Variants in SPATA13 observed in about 807,000 individuals in gnomAD.
SPATA13 encodes spermatogenesis-associated protein 13.
SPATA13 carries 50 observed loss-of-function variants against 104.0 expected under a neutral mutation model. The observed-to-expected ratio is 0.48, with a 90% CI of 0.38 to 0.61. The LOEUF (loss-of-function observed/expected upper bound fraction) is 0.61, where lower values mean the gene tolerates loss of function less well. Ranked by LOEUF, SPATA13 falls within the 20% of genes least tolerant of loss-of-function variation. The pLI, the probability that SPATA13 is intolerant of heterozygous loss-of-function variation, is 0.00. For synonymous variants in SPATA13, 606 were observed against 667.5 expected, an observed-to-expected ratio of 0.91 and a Z score of 1.42; for missense variants, 1,524 against 1,690.6, an observed-to-expected ratio of 0.90 and a Z score of 1.73.
intron 2 of SPATA13, among the ~76,000 whole-genome samples, chr13:24,232,996 G>A (rs1321415758): frequency 6.6e-6 from 1 of 152,102 alleles, no homozygotes; most frequent in Non-Finnish European, 1.5e-5. Flanking sequence ...TATCATTTTA[G>A]CTCTTACATT....
intron 3 of SPATA13, among the ~76,000 whole-genome samples, chr13:24,073,321 A>T (rs1011171390): frequency 6.6e-6 from 1 of 152,246 alleles, no homozygotes; most frequent in African/African-American, 2.4e-5. Context: ...CTCTTCATCA[A>T]CTAGGGCCCA....
chr13:24,266,539 C>T (rs923336948), intron 4 of SPATA13, among the ~76,000 whole-genome samples: 4 of 152,196 alleles, frequency 2.6e-5, no homozygotes, highest in Non-Finnish European at 5.9e-5. Flanking sequence ...CCCACCTTGG[C>T]CTCCCAAAGT....
intron 2 of SPATA13, among the ~76,000 whole-genome samples, chr13:23,990,998 C>A (rs1875385647): frequency 6.6e-6 from 1 of 152,118 alleles, no homozygotes; most frequent in Non-Finnish European, 1.5e-5. Context: ...GTACCCCTGG[C>A]CTTGTGAGAA....
chr13:24,146,644 TTA>T (rs1381203526), intron 3 of SPATA13, among the ~76,000 whole-genome samples: 3 of 13,814 alleles, frequency 2.2e-4, no homozygotes, highest in African/African-American at 6.5e-4. Flanking sequence ...GCACAGCAAT[TTA>T]AAAAAAATGC....
chr13:24,277,798 T>G (rs1010154137), intron 4 of SPATA13, among the ~76,000 whole-genome samples: 1 of 152,118 alleles, frequency 6.6e-6, no homozygotes, highest in Non-Finnish European at 1.5e-5. Flanking sequence ...TCCTTTAAGA[T>G]GGTAAGCGAC....
intron 1 of SPATA13, among the ~76,000 whole-genome samples, chr13:24,189,995 C>T (rs1451334827): frequency 1.3e-3 from 9 of 6,788 alleles, no homozygotes; most frequent in East Asian, 0.013. Flanking sequence ...AATTATATAA[C>T]ATATAATAAT....
chr13:24,001,344 G>A (rs151021908), intron 2 of SPATA13, among the ~76,000 whole-genome samples: 151 of 152,270 alleles, frequency 9.9e-4, no homozygotes, highest in Non-Finnish European at 2.0e-3. Context: ...CTCGTGGGAA[G>A]GCTGCAGGAG....
chr13:24,082,467 C>G (rs1357336387), intron 3 of SPATA13, among the ~76,000 whole-genome samples: 1 of 152,154 alleles, frequency 6.6e-6, no homozygotes, highest in Non-Finnish European at 1.5e-5. Context: ...GTTTTGTCCA[C>G]CACAGTGGGA....
chr13:24,091,702 T>A (rs550920225), intron 3 of SPATA13, among the ~76,000 whole-genome samples: 1 of 152,252 alleles, frequency 6.6e-6, no homozygotes, highest in East Asian at 1.9e-4. Flanking sequence ...TCCCAGGTAC[T>A]AAGGAGGCTG....
chr13:24,045,444 G>A (rs533408110), intron 3 of SPATA13, among the ~76,000 whole-genome samples: 14 of 134,794 alleles, frequency 1.0e-4, no homozygotes, highest in Admixed American at 8.1e-4. Flanking sequence ...AAATTGCTGC[G>A]ACATGAAAAC....
intron 3 of SPATA13, among the ~76,000 whole-genome samples, chr13:24,150,362 T>G (rs528408419): frequency 1.3e-5 from 2 of 152,266 alleles, no homozygotes; most frequent in East Asian, 3.9e-4. Flanking sequence ...GGCATGGCAG[T>G]GCATCTCAGC....
At chr13:24,203,225 C>T (rs1355754511) in intron 1 of SPATA13, among the ~76,000 whole-genome samples, 1 of 151,216 alleles carries the variant, frequency 6.6e-6, no homozygotes, top group Non-Finnish European at 1.5e-5. Flanking sequence ...TTGAAGTTGT[C>T]TCTTCCCCAG....
At position 24,223,499 on chromosome 13, in the gene SPATA13, C is replaced by T. The variant is rs999580813; in HGVS notation, c.570C>T (p.Asp190=). 1.7e-5 allele frequency: 26 copies of T among 1,548,428 alleles called. No individual in the cohort carries two copies. Among genetic ancestry groups the T allele is most frequent in the East Asian group, 4.9e-5 (2 of 40,920 alleles). The part of the protein sequence containing the change: ...TLDGSDLEDT[D]DAFQRSTHRS... ...ATGGCTCCGACCTCGAGGACACGGA[C>T]GATGCCTTCCAGCGGAGCACACACC... Residue 190 remains aspartate (D), a synonymous_variant, in exon 2 of 13, where the codon GAC becomes GAT. Coordinates refer to ENST00000382108, the MANE Select transcript of SPATA13 (RefSeq NM_001166271.3).
At position 24,161,681 on chromosome 13, in the gene SPATA13, C is replaced by T. The variant is rs555053655; in HGVS notation, c.-112+749C>T. Reference sequence around the variant, plus strand: ...CAGAGCTTGAGCAAATTTCCCCTCCCTCCAAGTGCAGGAAAACCAAACCAA... The same window carrying T: ...CAGAGCTTGAGCAAATTTCCCCTCCTTCCAAGTGCAGGAAAACCAAACCAA... On this transcript the variant is annotated intron_variant, in intron 1 of 12. Transcript: ENST00000382108. The surrounding 1 kb of genome is among the most constrained non-coding windows in gnomAD (Gnocchi z 4.5). Among the ~76,000 whole-genome samples, 1 of 152,322 alleles carries T rather than the reference C, an allele frequency of 6.6e-6. No individual in the cohort carries two copies. The highest frequency in any genetic ancestry group is 2.1e-4 in the South Asian group (1 of 4,824).
chr13:24,082,271 T>C (rs536196955), intron 3 of SPATA13, among the ~76,000 whole-genome samples: 1 of 152,206 alleles, frequency 6.6e-6, no homozygotes, highest in Non-Finnish European at 1.5e-5. Context: ...AAGTGTTCTG[T>C]GGCAGGGGCA....
At chr13:24,086,549 G>A (rs1487214405) in intron 3 of SPATA13, among the ~76,000 whole-genome samples, 1 of 152,200 alleles carries the variant, frequency 6.6e-6, no homozygotes, top group Non-Finnish European at 1.5e-5. Context: ...CGATGGCTGG[G>A]TCTGTAGCCT....
At chr13:24,242,612 C>T (rs1872910399) in intron 2 of SPATA13, among the ~76,000 whole-genome samples, 1 of 152,116 alleles carries the variant, frequency 6.6e-6, no homozygotes, top group Non-Finnish European at 1.5e-5. Context: ...GTCTTCTTTG[C>T]TTCTTTGAAA....
At chr13:24,274,379 C>T (rs1218443079) in intron 4 of SPATA13, among the ~76,000 whole-genome samples, 1 of 152,208 alleles carries the variant, frequency 6.6e-6, no homozygotes, top group Admixed American at 6.5e-5. Context: ...CAACCTGACT[C>T]AGTGGCCCAG....
intron 2 of SPATA13, among the ~76,000 whole-genome samples, chr13:23,989,189 C>T (rs1215670558): frequency 3.3e-5 from 5 of 151,996 alleles, no homozygotes; most frequent in Admixed American, 6.6e-5. Flanking sequence ...TTTGGGAGGC[C>T]GAGGCAGGTG....
Sources: gnomAD v4.1 joint callset for allele counts (sites outside exome capture counted in the v4.1 genomes callset) on GRCh38, gnomAD v4.1.1 for gene constraint, Gnocchi (gnomAD v3.1) non-coding constraint, MANE v1.5 for transcripts, NCBI Gene and HGNC (gene_info 2026-07-23, HGNC 2026-07-21) for gene names.